JOSD1: variants seen among roughly 807,000 people sequenced by gnomAD.
The protein encoded by JOSD1 is josephin-1.
A neutral mutation model predicts 24.3 loss-of-function variants in JOSD1; 11 were observed. That is an observed-to-expected ratio of 0.45 (90% CI 0.29 to 0.75). The LOEUF (loss-of-function observed/expected upper bound fraction) is 0.75, where lower values mean the gene tolerates loss of function less well. Ranked by LOEUF, JOSD1 falls within the 30% of genes least tolerant of loss-of-function variation. The pLI, the probability that JOSD1 is intolerant of heterozygous loss-of-function variation, is 0.11. For missense variants in JOSD1, 184 were observed against 253.5 expected (o/e 0.73, Z 1.86); for synonymous variants, 106 against 93.8 (o/e 1.13, Z -0.75).
Position 38,687,822 on chromosome 22 carries a change from A to C in JOSD1, c.*80T>G. 1 of 917,608 alleles carries C rather than the reference A, an allele frequency of 1.1e-6. No homozygotes were observed. Among genetic ancestry groups the C allele is most frequent in the Non-Finnish European group, 1.8e-6 (1 of 561,936 alleles). The allele number at this position is 917,608 out of a possible 1,614,324, so 56.8% of individuals were successfully genotyped here. A position where few individuals can be genotyped will look rare whatever the true frequency, so the allele number is the denominator to read the frequency against. ...TGATGAGATGTTTGGGGAAGTGGCA[A>C]GGGCAGACCCACTGTAGAGGCCACA... On this transcript the variant is annotated 3_prime_UTR_variant, in exon 5 of 5. Transcript: ENST00000683374.
In JOSD1 at chr22:38,700,049, A is replaced by G. The variant is rs1478507679; in HGVS notation, c.-62T>C. The G allele has an allele frequency of 6.6e-7, 1 of 1,516,256 alleles. No homozygotes were observed. Among genetic ancestry groups the G allele is most frequent in the Non-Finnish European group, 8.8e-7 (1 of 1,135,436 alleles). 93.9% of individuals were successfully genotyped at this position (1,516,256 alleles called of 1,614,324 possible). ...CCCCACTCTTCCCTCTAGAGGAAGA[A>G]TGTAAGCTTCTCAGTCTTTTCCGGA... On this transcript the variant is annotated 5_prime_UTR_variant, in exon 2 of 5. Transcript: ENST00000683374.
rs1456471563 is a variant in JOSD1, at chr22:38,700,866, G to A, written c.-698C>T. 8.1e-6 allele frequency: 8 copies of A among 984,338 alleles called. No homozygotes were observed. Among genetic ancestry groups the A allele is most frequent in the Non-Finnish European group, 6.0e-6 (5 of 829,682 alleles). 61.0% of individuals were successfully genotyped at this position (984,338 alleles called of 1,614,324 possible). ...GCCGCGCCCCCGGCCGCAGACCCCA[G>A]GGCCGCCGGGACTGCTCGCCGCTGG... On this transcript the variant is annotated 5_prime_UTR_variant, in exon 1 of 5. Transcript: ENST00000683374.
intron 2 of JOSD1, among the ~76,000 whole-genome samples, chr22:38,698,799 G>A (rs897324778): frequency 1.3e-5 from 2 of 152,284 alleles, no homozygotes; most frequent in Non-Finnish European, 2.9e-5. Flanking sequence ...CCGTCACCCA[G>A]GCTGGAGTGC....
In JOSD1 at chr22:38,700,275, C is replaced by T. The variant is rs2092562827; in HGVS notation, c.-288G>A. On this transcript the variant is annotated 5_prime_UTR_variant, in exon 2 of 5. Coordinates refer to ENST00000683374, the MANE Select transcript of JOSD1 (RefSeq NM_001360236.2). ...CACATAAAATGTAAGACCTTGTTTCCGTTTCCCCACCCTTCCCTCCCACCC... is the reference window on the plus strand; with the variant it reads ...CACATAAAATGTAAGACCTTGTTTCTGTTTCCCCACCCTTCCCTCCCACCC... The T allele has an allele frequency of 1.9e-6, 2 of 1,071,048 alleles. No individual in the cohort carries two copies. The highest frequency in any genetic ancestry group is 2.3e-6 in the Non-Finnish European group (2 of 883,908). The allele number at this position is 1,071,048 out of a possible 1,614,324, so 66.3% of individuals were successfully genotyped here.
intron 2 of JOSD1, among the ~76,000 whole-genome samples, chr22:38,692,152 T>C (rs1165506678): frequency 1.3e-5 from 2 of 152,260 alleles, no homozygotes; most frequent in Admixed American, 1.3e-4. Flanking sequence ...CCAAGCACTA[T>C]GATAAGGTAC....
intron 2 of JOSD1, among the ~76,000 whole-genome samples, chr22:38,696,056 C>T (rs978119885): frequency 3.3e-5 from 5 of 151,948 alleles, no homozygotes; most frequent in Non-Finnish European, 7.4e-5. Context: ...GACTCCGTCT[C>T]GGGTGGGGGG....
At chr22:38,693,535 G>A (rs2092532425) in intron 2 of JOSD1, among the ~76,000 whole-genome samples, 1 of 152,154 alleles carries the variant, frequency 6.6e-6, no homozygotes, top group South Asian at 2.1e-4. Flanking sequence ...GCCCCACTTG[G>A]CCAGCTATAT....
At chr22:38,690,943 G>A (rs547960945) in intron 2 of JOSD1, among the ~76,000 whole-genome samples, 4 of 152,218 alleles carry the variant, frequency 2.6e-5, no homozygotes, top group East Asian at 1.9e-4. Flanking sequence ...CTGCTTGAAC[G>A]TAGGAGGCAG....
chr22:38,700,949 C>T (rs1266537809), upstream of JOSD1: 12 of 984,694 alleles, frequency 1.2e-5, no homozygotes, highest in African/African-American at 1.7e-5. Context: ...CTGGGCCGTG[C>T]GGGCGGGCGC....
At chr22:38,693,419 C>G (rs1423371905) in intron 2 of JOSD1, among the ~76,000 whole-genome samples, 8 of 152,196 alleles carry the variant, frequency 5.3e-5, no homozygotes, top group Non-Finnish European at 8.8e-5. Context: ...CCAATTCAGC[C>G]TCTATGTTCC....
rs2092494511 is a variant in JOSD1, at chr22:38,685,623, G to C, written c.*2279C>G. ...TCAGGCAGACAAGGAGACATATATG[G>C]AGTTTTCCATTTTTAATATTTGGTT... On this transcript the variant is annotated 3_prime_UTR_variant, in exon 5 of 5. Transcript: ENST00000683374. 6.6e-6 allele frequency: 1 copy of C among 152,524 alleles called. No homozygotes were observed. The highest frequency in any genetic ancestry group is 2.4e-5 in the African/African-American group (1 of 41,432). The allele number at this position is 152,524 out of a possible 1,614,324, so 9.4% of individuals were successfully genotyped here.
At chr22:38,693,414 T>G (rs368737457) in intron 2 of JOSD1, among the ~76,000 whole-genome samples, 2 of 152,148 alleles carry the variant, frequency 1.3e-5, no homozygotes, top group Non-Finnish European at 2.9e-5. Flanking sequence ...TTCCACCAAT[T>G]CAGCCTCTAT....
At position 38,689,340 on chromosome 22, in the gene JOSD1, T is replaced by C. The variant is rs777092125; in HGVS notation, c.270A>G (p.Ala90=). Residue 90 remains alanine, a synonymous_variant, in exon 3 of 5, where the codon GCA becomes GCG. Coordinates refer to ENST00000683374, the MANE Select transcript of JOSD1 (RefSeq NM_001360236.2). ...CAGCTTCATAGCCTTTGGTCTGAAGTGCTGCCATAATGACATTCACATCGT... is the reference window on the plus strand; with the variant it reads ...CAGCTTCATAGCCTTTGGTCTGAAGCGCTGCCATAATGACATTCACATCGT... ...GNYDVNVIMA[A]LQTKGYEAVW... is the part of the protein sequence containing the mutation. 4 of 1,614,242 alleles carry C rather than the reference T, an allele frequency of 2.5e-6. No individual in the cohort carries two copies. The South Asian group carries it at 3.3e-5, about 13-fold the overall frequency.
intron 4 of JOSD1, 93 bp from the exon 5 acceptor site, chr22:38,688,094 C>T (rs948907451): frequency 7.0e-5 from 57 of 810,050 alleles, no homozygotes; most frequent in Middle Eastern, 4.4e-4. Flanking sequence ...ACTCTACCCT[C>T]GGCAGTCCAA....
intron 2 of JOSD1, among the ~76,000 whole-genome samples, chr22:38,694,163 C>G (rs1326130075): frequency 6.6e-6 from 1 of 152,228 alleles, no homozygotes; most frequent in Non-Finnish European, 1.5e-5. Flanking sequence ...ATTCACCACA[C>G]CAGCACTTGC....
At chr22:38,701,062 TA>T (rs1303287884), upstream of JOSD1, 1 of 855,564 alleles carries the variant, frequency 1.2e-6, no homozygotes, top group Non-Finnish European at 1.4e-6. Context: ...ACGCCTGACG[TA>T]AGTCTGACGT....
At position 38,700,940 on chromosome 22, in the gene JOSD1, T is replaced by A. The variant is rs182773669; in HGVS notation, c.-772A>T. 2 of 984,000 alleles carry A rather than the reference T, an allele frequency of 2.0e-6. No individual in the cohort carries two copies. Among genetic ancestry groups the A allele is most frequent in the African/African-American group, 3.5e-5 (2 of 56,932 alleles). 61.0% of individuals were successfully genotyped at this position (984,000 alleles called of 1,614,324 possible). A position where few individuals can be genotyped will look rare whatever the true frequency, so the allele number is the denominator to read the frequency against. On this transcript the variant is annotated 5_prime_UTR_variant, in exon 1 of 5. Coordinates refer to ENST00000683374, the MANE Select transcript of JOSD1 (RefSeq NM_001360236.2). ...GCCACCTGGAGTGCGCGCCGCCAAC[T>A]GGGCCGTGCGGGCGGGCGCGCGCAC...
In JOSD1 at chr22:38,700,167, CCTCTTCT is replaced by C. The variant is rs770584466; in HGVS notation, c.-187_-181del. 76 of 1,320,352 alleles carry C rather than the reference CCTCTTCT, an allele frequency of 5.8e-5. No individual in the cohort carries two copies. In the Middle Eastern group the frequency reaches 6.9e-4, roughly 12 times the overall value. The allele number at this position is 1,320,352 out of a possible 1,614,324, so 81.8% of individuals were successfully genotyped here. A position where few individuals can be genotyped will look rare whatever the true frequency, so the allele number is the denominator to read the frequency against. On this transcript the variant is annotated 5_prime_UTR_variant, in exon 2 of 5. Transcript: ENST00000683374. ...ATCAAAAGGAAAAAAATAAAACCCA[CCTCTTCT>C]CTCTTCTCAATAGAAAAATAACTTT...
At chr22:38,688,848 T>C (rs1569262902) in intron 4 of JOSD1, 87 bp downstream of exon 4, 2 of 1,245,630 alleles carry the variant, frequency 1.6e-6, no homozygotes, top group African/African-American at 3.0e-5. Context: ...TTTCATTTCC[T>C]TTGTCAAATA....
Sources: allele counts gnomAD v4.1 joint callset (sites outside exome capture counted in the v4.1 genomes callset), GRCh38; gene constraint gnomAD v4.1.1; transcripts MANE v1.5; gene names NCBI Gene and HGNC (gene_info 2026-07-23, HGNC 2026-07-21).